ASAP1: variants seen among roughly 807,000 people sequenced by gnomAD.
ASAP1 encodes ArfGAP with SH3 domain, ankyrin repeat and PH domain 1.
A neutral mutation model predicts 145.2 loss-of-function variants in ASAP1; 43 were observed. That is an observed-to-expected ratio of 0.30 (90% CI 0.23 to 0.38). The LOEUF (loss-of-function observed/expected upper bound fraction) is 0.38. ASAP1 is among the 10% of genes least tolerant of loss of function. The probability of loss-of-function intolerance (pLI) is 1.00; values close to 1 mark genes in which losing one functional copy is unlikely to be tolerated. For synonymous variants in ASAP1, 546 were observed against 515.5 expected, an observed-to-expected ratio of 1.06 and a Z score of -0.80; for missense variants, 1,018 against 1,355.3, an observed-to-expected ratio of 0.75 and a Z score of 3.91.
intron 23 of ASAP1, among the ~76,000 whole-genome samples, chr8:130,112,622 C>T (rs1474421514): frequency 6.6e-6 from 1 of 152,230 alleles, no homozygotes; most frequent in African/African-American, 2.4e-5. Context: ...AAGCAAACAC[C>T]TTCAGAATGC....
rs1252232431 is a variant in ASAP1 at position 130,058,045 on chromosome 8, A to G, written c.3224T>C (p.Ile1075Thr). ...GKNKVRRVKT[I>T]YDCQADNDDE... ...ATCGTTGTCTGCCTGGCAGTCATAA[A>G]TGGTCTTCACTCGCCTCACTTTATT... is the stretch of plus-strand genomic sequence containing the variant. Residue 1075 changes from isoleucine to threonine, a missense_variant, in exon 29 of 30, where the codon ATT becomes ACT. Coordinates refer to ENST00000518721, the MANE Select transcript of ASAP1 (RefSeq NM_018482.4). 18 of 1,614,094 alleles carry G rather than the reference A, an allele frequency of 1.1e-5. No homozygotes were observed. Among genetic ancestry groups the G allele is most frequent in the Non-Finnish European group, 1.5e-5 (18 of 1,180,034 alleles).
intron 3 of ASAP1, among the ~76,000 whole-genome samples, chr8:130,357,364 T>G (rs1826384787): frequency 6.6e-6 from 1 of 152,220 alleles, no homozygotes; most frequent in African/African-American, 2.4e-5. Context: ...CAGGTCCTGC[T>G]GGCGCAGCAG....
chr8:130,415,038 G>A (rs945976327), intron 1 of ASAP1, among the ~76,000 whole-genome samples: 13 of 152,242 alleles, frequency 8.5e-5, no homozygotes, highest in Admixed American at 2.6e-4. Context: ...GATTACAGGC[G>A]TAAGCCACTG....
intron 27 of ASAP1, among the ~76,000 whole-genome samples, chr8:130,066,739 C>A (rs943525659): frequency 1.3e-5 from 2 of 152,170 alleles, no homozygotes; most frequent in Admixed American, 1.3e-4. Flanking sequence ...GCAGTCATAG[C>A]ACATTGATGT....
chr8:130,407,523 T>C (rs1829086689), intron 1 of ASAP1, among the ~76,000 whole-genome samples: 1 of 152,226 alleles, frequency 6.6e-6, no homozygotes, highest in Non-Finnish European at 1.5e-5. Flanking sequence ...GAGTGAACAA[T>C]GTCTGTCAAC....
At chr8:130,336,655 A>G (rs1187109164) in intron 3 of ASAP1, among the ~76,000 whole-genome samples, 1 of 152,256 alleles carries the variant, frequency 6.6e-6, no homozygotes, top group Non-Finnish European at 1.5e-5. Context: ...AAAAGATGCC[A>G]TACTCTTACA....
chr8:130,381,309 T>C (rs1244755711), intron 2 of ASAP1, among the ~76,000 whole-genome samples: 1 of 152,256 alleles, frequency 6.6e-6, no homozygotes, highest in African/African-American at 2.4e-5. Context: ...ATTACAGCTA[T>C]GAGCCACCTT....
Position 130,116,749 on chromosome 8 carries a change from A to C in ASAP1, c.1997-4T>G. The C allele has an allele frequency of 1.9e-6, 3 of 1,613,702 alleles. No individual in the cohort carries two copies. The highest frequency in any genetic ancestry group is 2.5e-6 in the Non-Finnish European group (3 of 1,179,682). ...GCAGTTTCTCCAGCCTGGTTAACTG[A>C]AATAGGAAAAAAATTAATTTGCATA... On this transcript the variant is annotated splice_polypyrimidine_tract_variant and splice_region_variant and intron_variant, in intron 21 of 29. Transcript: ENST00000518721.
intron 3 of ASAP1, among the ~76,000 whole-genome samples, chr8:130,316,299 G>A (rs1823659092): frequency 6.6e-6 from 1 of 152,176 alleles, no homozygotes; most frequent in Non-Finnish European, 1.5e-5. Context: ...ACTCTCAGCA[G>A]TTTTGGTATC....
intron 24 of ASAP1, among the ~76,000 whole-genome samples, chr8:130,108,289 C>T (rs1372015972): frequency 6.6e-6 from 1 of 152,142 alleles, no homozygotes. Context: ...CTATATAATG[C>T]CTGATTCTAG....
At chr8:130,429,288 A>G (rs189295909) in intron 1 of ASAP1, among the ~76,000 whole-genome samples, 29 of 152,270 alleles carry the variant, frequency 1.9e-4, no homozygotes, top group African/African-American at 6.0e-4. Context: ...ACACAATTCA[A>G]CCTGTAACAG....
chr8:130,202,968 T>C (rs1337657291), intron 5 of ASAP1, among the ~76,000 whole-genome samples: 2 of 152,090 alleles, frequency 1.3e-5, no homozygotes, highest in South Asian at 2.1e-4. Flanking sequence ...GGGGTTACCA[T>C]ACAGTATAAT....
chr8:130,250,082 T>C (rs1819099393), intron 3 of ASAP1, among the ~76,000 whole-genome samples: 1 of 152,168 alleles, frequency 6.6e-6, no homozygotes, highest in African/African-American at 2.4e-5. Flanking sequence ...GTATCTGATA[T>C]TCAAGATTTC....
intron 3 of ASAP1, among the ~76,000 whole-genome samples, chr8:130,337,108 A>C (rs1351247764): frequency 1.3e-5 from 2 of 152,238 alleles, no homozygotes; most frequent in Non-Finnish European, 2.9e-5. Flanking sequence ...GTATGAGGAA[A>C]TAAGGAAAGG....
At chr8:130,295,237 C>T (rs1822193433) in intron 3 of ASAP1, among the ~76,000 whole-genome samples, 1 of 152,130 alleles carries the variant, frequency 6.6e-6, no homozygotes, top group Admixed American at 6.5e-5. Flanking sequence ...GAGCCATGAT[C>T]ACACCACTGC....
chr8:130,151,127 C>G (rs2097645333), intron 13 of ASAP1, among the ~76,000 whole-genome samples: 1 of 152,074 alleles, frequency 6.6e-6, no homozygotes, highest in South Asian at 2.1e-4. Flanking sequence ...AATCCCAGCA[C>G]TTTGGGAGGC....
At chr8:130,404,074 A>G (rs1215836086) in intron 1 of ASAP1, among the ~76,000 whole-genome samples, 1 of 152,216 alleles carries the variant, frequency 6.6e-6, no homozygotes, top group Non-Finnish European at 1.5e-5. Context: ...GTGAAGACTG[A>G]TTAATATCTG....
chr8:130,065,831 T>C (rs2097429558), intron 27 of ASAP1, among the ~76,000 whole-genome samples: 1 of 152,214 alleles, frequency 6.6e-6, no homozygotes, highest in Non-Finnish European at 1.5e-5. Context: ...TTCATAATCG[T>C]GTACTAGCCT....
intron 15 of ASAP1, among the ~76,000 whole-genome samples, chr8:130,131,135 C>T (rs1369053768): frequency 4.6e-5 from 7 of 150,598 alleles, no homozygotes; most frequent in African/African-American, 1.2e-4. Flanking sequence ...CCAGCCTGGG[C>T]GACAGAGCAA....
Sources: allele counts gnomAD v4.1 joint callset (sites outside exome capture counted in the v4.1 genomes callset), GRCh38; gene constraint gnomAD v4.1.1; transcripts MANE v1.5; gene names NCBI Gene and HGNC (gene_info 2026-07-23, HGNC 2026-07-21).